NOMO1: variants seen among roughly 807,000 people sequenced by gnomAD.
NOMO1 encodes NODAL modulator 1, also known as nodal modulator 3.
NOMO1 carries 40 observed loss-of-function variants against 133.8 expected under a neutral mutation model. The observed-to-expected ratio is 0.30, with a 90% CI of 0.23 to 0.39. NOMO1 has a LOEUF of 0.39. Among genes scored for constraint, NOMO1 ranks in the 10% least tolerant of loss-of-function variants. NOMO1 has a pLI of 1.00. For synonymous variants in NOMO1, 236 were observed against 570.5 expected, an observed-to-expected ratio of 0.41 and a Z score of 8.36; for missense variants, 462 against 1,419.9, an observed-to-expected ratio of 0.33 and a Z score of 10.84.
intron 8 of NOMO1, 118 bp from the exon 9 acceptor site, chr16:14,853,819 G>C: frequency 1.2e-6 from 1 of 840,854 alleles, no homozygotes; most frequent in Non-Finnish European, 2.0e-6. Context: ...CAGTTATGAT[G>C]AATGTTTCTC....
chr16:14,836,013 A>T (rs1335774159), intron 1 of NOMO1, among the ~76,000 whole-genome samples: 1 of 152,014 alleles, frequency 6.6e-6, no homozygotes. Flanking sequence ...TAAAAAAAAA[A>T]AATTATACTG....
chr16:14,874,928 T>C (rs2151005930), intron 18 of NOMO1, 108 bp from the exon 19 acceptor site: 1 of 867,100 alleles, frequency 1.2e-6, no homozygotes. Context: ...TGTGGTGTCA[T>C]GATAAGATGT....
At chr16:14,875,564 G>A (rs1166322595) in intron 20 of NOMO1, 142 bp downstream of exon 20, 8 of 972,006 alleles carry the variant, frequency 8.2e-6, no homozygotes, top group Admixed American at 2.1e-5. Flanking sequence ...AGATGTTACT[G>A]TTGGTTGGAT....
chr16:14,883,299 T>C (rs929254161), intron 26 of NOMO1, among the ~76,000 whole-genome samples: 2 of 151,778 alleles, frequency 1.3e-5, no homozygotes, highest in African/African-American at 4.9e-5. Context: ...TGAGGGAGGA[T>C]AGAACTTTTG....
intron 4 of NOMO1, among the ~76,000 whole-genome samples, chr16:14,845,422 G>C (rs1208888146): frequency 2.6e-5 from 4 of 151,988 alleles, no homozygotes; most frequent in Non-Finnish European, 5.9e-5. Context: ...GCATCTTGCT[G>C]TCCCTGTGGG....
chr16:14,853,658 A>G, intron 8 of NOMO1, 54 bp downstream of exon 8: 1 of 1,611,388 alleles, frequency 6.2e-7, no homozygotes, highest in Non-Finnish European at 8.5e-7. Flanking sequence ...ATGACACAGT[A>G]AAAGCCAATG....
chr16:14,865,389 G>A (rs1963979485), intron 14 of NOMO1, among the ~76,000 whole-genome samples: 1 of 143,990 alleles, frequency 6.9e-6, no homozygotes, highest in Non-Finnish European at 1.5e-5. Flanking sequence ...GTTAAGGGAG[G>A]GTGCCCCGAC....
At chr16:14,851,230 T>C (rs1454210531) in intron 6 of NOMO1, among the ~76,000 whole-genome samples, 1 of 151,730 alleles carries the variant, frequency 6.6e-6, no homozygotes, top group East Asian at 1.9e-4. Flanking sequence ...AAGTAAAGCA[T>C]GTTGTTAGAA....
In NOMO1 at chr16:14,893,638, G is replaced by C. The variant is rs911713836; in HGVS notation, c.3445-1360G>C. Among the ~76,000 whole-genome samples, 456 of 149,244 alleles carry C rather than the reference G, an allele frequency of 3.1e-3. 4 individuals carry two copies. The highest frequency in any genetic ancestry group is 0.011 in the African/African-American group (417 of 38,734). On this transcript the variant is annotated intron_variant, in intron 29 of 30. Transcript: ENST00000287667. ...GAAAGGGCATCCCAGGTACAGCGGC[G>C]CCCACAGTCACTCTCTAGCCCAGCA... is the stretch of plus-strand genomic sequence containing the variant.
chr16:14,878,832 C>T lies in NOMO1; in HGVS notation c.2755C>T (p.Leu919=), dbSNP rs1259482784. The change falls in exon 23 of 31, where the codon CTG becomes TTG. Residue 919 remains leucine (L), a splice_region_variant and synonymous_variant. Coordinates refer to ENST00000287667, the MANE Select transcript of NOMO1 (RefSeq NM_014287.4). ...CAACGGCATTCTGACATTCTCAAAC[C>T]TGGTAACGTGTTCTGCAATTTACCA... is the stretch of plus-strand genomic sequence containing the variant. ...QDNGILTFSN[L]SPGQYYFKPM... is the part of the protein sequence containing the mutation. 2.5e-6 allele frequency: 4 copies of T among 1,611,172 alleles called. No individual in the cohort carries two copies. In the African/African-American group the frequency reaches 5.4e-5, roughly 22 times the overall value.
intron 27 of NOMO1, among the ~76,000 whole-genome samples, chr16:14,885,262 G>C (rs1312449507): frequency 1.3e-5 from 2 of 151,882 alleles, no homozygotes; most frequent in Non-Finnish European, 2.9e-5. Context: ...TGGACGGTGG[G>C]CTGGAGAGCA....
chr16:14,880,529 C>G (rs1964228181), intron 24 of NOMO1, among the ~76,000 whole-genome samples: 1 of 151,422 alleles, frequency 6.6e-6, no homozygotes. Context: ...GTAGCTGGGA[C>G]TGCCACCATG....
intron 29 of NOMO1, among the ~76,000 whole-genome samples, 187 bp downstream of exon 29, chr16:14,889,402 C>T (rs1460013883): frequency 2.0e-5 from 3 of 152,008 alleles, no homozygotes; most frequent in Non-Finnish European, 4.4e-5. Context: ...CGTGGTGGAA[C>T]GCACCTATAG....
intron 1 of NOMO1, among the ~76,000 whole-genome samples, chr16:14,836,996 C>T (rs1438663695): frequency 3.3e-5 from 5 of 151,700 alleles, no homozygotes; most frequent in Admixed American, 1.3e-4. Context: ...TGAGCCACCG[C>T]GCCCGGCCCC....
chr16:14,875,201 G>A lies in NOMO1; in HGVS notation c.2220G>A (p.Glu740=). The A allele has an allele frequency of 6.2e-7, 1 of 1,613,540 alleles. No homozygotes were observed. Among genetic ancestry groups the A allele is most frequent in the Non-Finnish European group, 8.5e-7 (1 of 1,179,846 alleles). The part of the protein sequence containing the change: ...EERMTKPPVQ[E]MVDELQGPFS... ...GAATGACCAAGCCTCCCGTGCAGGA[G>A]ATGGTAGATGAGTTACAAGGCCCCT... Residue 740 remains glutamate (E), a synonymous_variant, in exon 19 of 31, where the codon GAG becomes GAA. Transcript: ENST00000287667.
chr16:14,837,139 T>C lies in NOMO1; in HGVS notation c.166-1268T>C, dbSNP rs1311862778. ...CTCAAGCAGTCCTCCTGCCTCGGCC[T>C]CCTGAGTAGCTGAGGCTACAGGCAC... On this transcript the variant is annotated intron_variant, in intron 1 of 30. Coordinates refer to ENST00000287667, the MANE Select transcript of NOMO1 (RefSeq NM_014287.4). Among the ~76,000 whole-genome samples, 4 of 152,104 alleles carry C rather than the reference T, an allele frequency of 2.6e-5. No individual in the cohort carries two copies. In the East Asian group the frequency reaches 7.8e-4, roughly 30 times the overall value.
At position 14,842,814 on chromosome 16, in the gene NOMO1, A is replaced by G. The variant is rs559990924; in HGVS notation, c.301+1407A>G. On this transcript the variant is annotated intron_variant, in intron 3 of 30. Transcript: ENST00000287667. ...TTTAATATCCGGTTTCTTTCACTCA[A>G]CATTATGAACTTTATCTGTATCATT... is the stretch of plus-strand genomic sequence containing the variant. Among the ~76,000 whole-genome samples, 5 of 150,100 alleles carry G rather than the reference A, an allele frequency of 3.3e-5. No individual in the cohort carries two copies. In the East Asian group the frequency reaches 7.9e-4, roughly 24 times the overall value.
intron 16 of NOMO1, among the ~76,000 whole-genome samples, chr16:14,869,793 T>C (rs1964056303): frequency 6.6e-6 from 1 of 151,398 alleles, no homozygotes; most frequent in Non-Finnish European, 1.5e-5. Context: ...GATAAGTTTA[T>C]GTTTAACCTT....
At position 14,864,566 on chromosome 16, in the gene NOMO1, T is replaced by G. The variant is rs1963964075; in HGVS notation, c.1396-19T>G. 1.2e-6 allele frequency: 2 copies of G among 1,612,962 alleles called. No individual in the cohort carries two copies. Among genetic ancestry groups the G allele is most frequent in the African/African-American group, 2.7e-5 (2 of 74,602 alleles). ...TCTCCCCGAATGCAGCCTCTAACGT[T>G]CCATCCACGTTTCCACAGGTGATGG... On this transcript the variant is annotated intron_variant, in intron 12 of 30. Transcript: ENST00000287667.
Sources: gnomAD v4.1 joint callset for allele counts (sites outside exome capture counted in the v4.1 genomes callset) on GRCh38, gnomAD v4.1.1 for gene constraint, MANE v1.5 for transcripts, NCBI Gene and HGNC (gene_info 2026-07-23, HGNC 2026-07-21) for gene names.